Variants in PPP1R21 observed in about 807,000 individuals in gnomAD.
The protein encoded by PPP1R21 is protein phosphatase 1 regulatory subunit 21, also known as KLRAQ motif containing 1.
Under a neutral mutation model 112.8 loss-of-function variants are expected in PPP1R21, and 85 were observed. The observed-to-expected ratio is 0.75, with a 90% CI of 0.63 to 0.90. The LOEUF is 0.90. Ranked by LOEUF, PPP1R21 falls within the 40% of genes least tolerant of loss-of-function variation. The probability of loss-of-function intolerance (pLI) is 0.00; values close to 1 mark genes in which losing one functional copy is unlikely to be tolerated. For missense variants in PPP1R21, 1,199 were observed against 901.5 expected (o/e 1.33, Z -4.23); for synonymous variants, 381 against 322.3 (o/e 1.18, Z -1.95).
At chr2:48,458,686 T>G (rs914518337) in intron 4 of PPP1R21, among the ~76,000 whole-genome samples, 5 of 151,428 alleles carry the variant, frequency 3.3e-5, no homozygotes, top group Non-Finnish European at 7.4e-5. Flanking sequence ...GTATGAACCA[T>G]GTATGTTTCC....
At chr2:48,490,905 C>G in intron 14 of PPP1R21, 113 bp from the exon 15 acceptor site, 1 of 877,174 alleles carries the variant, frequency 1.1e-6, no homozygotes, top group Non-Finnish European at 1.8e-6. Flanking sequence ...GTTGAAATTT[C>G]ATTTCCATTT....
In PPP1R21 at chr2:48,491,038, C is replaced by G. The variant is rs1407242270; in HGVS notation, c.1467C>G (p.Asn489Lys). 1 of 1,613,994 alleles carries G rather than the reference C, an allele frequency of 6.2e-7. No homozygotes were observed. Among genetic ancestry groups the G allele is most frequent in the Non-Finnish European group, 8.5e-7 (1 of 1,179,898 alleles). The part of the protein sequence containing the change: ...GAGKIASFFS[N>K]NLDYFIASLS... ...TTTAGATTGCATCCTTCTTCAGCAACAATTTGGACTACTTCATTGCTTCAC... is the reference window on the plus strand; with the variant it reads ...TTTAGATTGCATCCTTCTTCAGCAAGAATTTGGACTACTTCATTGCTTCAC... The change falls in exon 15 of 22, where the codon AAC becomes AAG. Residue 489 changes from asparagine to lysine, a missense_variant. By Grantham distance (94) the Asn-to-Lys change is moderately conservative. Coordinates refer to ENST00000294952, the MANE Select transcript of PPP1R21 (RefSeq NM_001135629.3).
chr2:48,464,718 T>C (rs2103817361), intron 7 of PPP1R21, among the ~76,000 whole-genome samples: 1 of 152,302 alleles, frequency 6.6e-6, no homozygotes, highest in Admixed American at 6.5e-5. Flanking sequence ...CTGGATTTGT[T>C]TGGGTTTTTT....
intron 17 of PPP1R21, among the ~76,000 whole-genome samples, chr2:48,504,860 G>C (rs560519952): frequency 5.6e-4 from 85 of 152,248 alleles, no homozygotes; most frequent in African/African-American, 1.9e-3. Flanking sequence ...CAGGCATGGT[G>C]ACTCATGCCT....
chr2:48,447,021 G>T (rs1165930205), intron 1 of PPP1R21, among the ~76,000 whole-genome samples: 3 of 152,124 alleles, frequency 2.0e-5, no homozygotes, highest in Non-Finnish European at 2.9e-5. Flanking sequence ...AAAGTGCTGT[G>T]ATTACAGGCA....
chr2:48,503,599 T>C (rs980336762), intron 17 of PPP1R21, among the ~76,000 whole-genome samples: 2 of 152,214 alleles, frequency 1.3e-5, no homozygotes, highest in African/African-American at 4.8e-5. Context: ...ACTGTATCAG[T>C]TTATACTATT....
At chr2:48,482,799 G>C (rs540028329) in intron 13 of PPP1R21, among the ~76,000 whole-genome samples, 6 of 152,002 alleles carry the variant, frequency 3.9e-5, no homozygotes, top group Non-Finnish European at 7.4e-5. Flanking sequence ...TTTAAGTTCA[G>C]GGGTAAATGT....
intron 2 of PPP1R21, among the ~76,000 whole-genome samples, chr2:48,451,578 A>G (rs1442511627): frequency 6.6e-6 from 1 of 152,272 alleles, no homozygotes; most frequent in East Asian, 1.9e-4. Context: ...ACATTTTACC[A>G]TCAGCATTTT....
intron 12 of PPP1R21, among the ~76,000 whole-genome samples, chr2:48,477,226 C>G (rs1037253873): frequency 1.4e-5 from 2 of 147,704 alleles, no homozygotes; most frequent in African/African-American, 5.0e-5. Context: ...TTTAAGTGAT[C>G]TCCTGCTTCA....
At chr2:48,479,829 C>G (rs1668926092) in intron 12 of PPP1R21, 95 bp from the exon 13 acceptor site, 2 of 810,004 alleles carry the variant, frequency 2.5e-6, no homozygotes, top group South Asian at 2.8e-5. Flanking sequence ...CACATTACAA[C>G]CAATCTTCAT....
At chr2:48,512,575 C>T (rs1670691418) in intron 21 of PPP1R21, among the ~76,000 whole-genome samples, 1 of 152,052 alleles carries the variant, frequency 6.6e-6, no homozygotes, top group Non-Finnish European at 1.5e-5. Flanking sequence ...GTGTTAAGGA[C>T]AGGATTCTGT....
In PPP1R21 at chr2:48,440,961, C is replaced by A; in HGVS notation, c.8C>A (p.Ser3Ter). Residue 3 changes from serine (S) to a stop codon, truncating the protein, a stop_gained, in exon 1 of 22, where the codon TCG becomes TAG. Coordinates refer to ENST00000294952, the MANE Select transcript of PPP1R21 (RefSeq NM_001135629.3). LOFTEE classifies it high-confidence loss of function. MA[S>*]AELQGKYQKL... is the part of the protein sequence containing the mutation. ...TACGGGGCGGGGGAGGCCATGGCCTCGGCTGAGTTGCAGGGGAAGTACCAG... is the reference window on the plus strand; with the variant it reads ...TACGGGGCGGGGGAGGCCATGGCCTAGGCTGAGTTGCAGGGGAAGTACCAG... 1 of 1,611,198 alleles carries A rather than the reference C, an allele frequency of 6.2e-7. No individual in the cohort carries two copies. Among genetic ancestry groups the A allele is most frequent in the Non-Finnish European group, 8.5e-7 (1 of 1,178,244 alleles).
Position 48,510,332 on chromosome 2 carries a change from G to A in PPP1R21, c.2184+219G>A, listed in dbSNP as rs562524556. On this transcript the variant is annotated intron_variant, in intron 20 of 21. Coordinates refer to ENST00000294952, the MANE Select transcript of PPP1R21 (RefSeq NM_001135629.3). ...GATTCTAATTGTAAATCATTTTATA[G>A]TCGGCTTTTGCTTAAATAATACTTA... is the stretch of plus-strand genomic sequence containing the variant. 5.3e-5 allele frequency among the ~76,000 whole-genome samples: 8 copies of A among 152,190 alleles called. No individual in the cohort carries two copies. In the South Asian group the frequency reaches 1.7e-3, roughly 32 times the overall value.
At chr2:48,461,377 C>A in intron 7 of PPP1R21, 145 bp downstream of exon 7, 3 of 1,236,464 alleles carry the variant, frequency 2.4e-6, no homozygotes, top group Non-Finnish European at 3.1e-6. Flanking sequence ...TTTGATCAGC[C>A]GTGGTAATCA....
chr2:48,503,150 C>T (rs151066250), intron 17 of PPP1R21, among the ~76,000 whole-genome samples: 76 of 151,940 alleles, frequency 5.0e-4, no homozygotes, highest in Admixed American at 1.7e-3. Context: ...TGTTTTTTGC[C>T]GGAATGGAAA....
rs1263818713 is a variant in PPP1R21 at position 48,440,919 on chromosome 2, C to T, written c.-35C>T. 2 of 947,088 alleles carry T rather than the reference C, an allele frequency of 2.1e-6. No homozygotes were observed. Among genetic ancestry groups the T allele is most frequent in the East Asian group, 5.8e-5 (1 of 17,124 alleles). 58.7% of individuals were successfully genotyped at this position (947,088 alleles called of 1,614,324 possible). On this transcript the variant is annotated 5_prime_UTR_variant, in exon 1 of 22. Transcript: ENST00000294952. Reference sequence around the variant, plus strand: ...GGGGGCGGGAGACAGGCTGAGCCGCCTGGGCGGCCTGGCCTGTACGGGGCG... The same window carrying T: ...GGGGGCGGGAGACAGGCTGAGCCGCTTGGGCGGCCTGGCCTGTACGGGGCG...
chr2:48,470,870 G>A (rs917527723), intron 9 of PPP1R21, among the ~76,000 whole-genome samples: 11 of 152,186 alleles, frequency 7.2e-5, no homozygotes, highest in Middle Eastern at 3.4e-3. Context: ...GGACTTGGGG[G>A]TATCATCTGG....
chr2:48,446,384 A>G (rs1219212784), intron 1 of PPP1R21, among the ~76,000 whole-genome samples: 1 of 152,126 alleles, frequency 6.6e-6, no homozygotes, highest in African/African-American at 2.4e-5. Flanking sequence ...CTATTCCAGA[A>G]CCAGAGTTGT....
chr2:48,502,554 T>A (rs1279230119), intron 17 of PPP1R21, among the ~76,000 whole-genome samples: 1 of 152,164 alleles, frequency 6.6e-6, no homozygotes, highest in Non-Finnish European at 1.5e-5. Context: ...CTCTTGGGTG[T>A]TGGGAGCAAG....
Sources: allele counts gnomAD v4.1 joint callset (sites outside exome capture counted in the v4.1 genomes callset), GRCh38; gene constraint gnomAD v4.1.1; transcripts MANE v1.5; gene names NCBI Gene and HGNC (gene_info 2026-07-23, HGNC 2026-07-21).